The following ZYG11A variants were observed in gnomAD, a reference collection of about 807,000 sequenced individuals.
ZYG11A encodes the protein protein zyg-11 homolog A.
A neutral mutation model predicts 77.2 loss-of-function variants in ZYG11A; 62 were observed. The ratio of observed to expected loss-of-function variants is 0.80; its 90% CI spans 0.65 to 0.99. ZYG11A has a LOEUF of 0.99. Ranked by LOEUF, ZYG11A falls within the 50% of genes least tolerant of loss-of-function variation. ZYG11A has a pLI of 0.00. For synonymous variants in ZYG11A, 315 were observed against 324.6 expected, an observed-to-expected ratio of 0.97 and a Z score of 0.32; for missense variants, 828 against 896.8, an observed-to-expected ratio of 0.92 and a Z score of 0.98.
chr1:52,847,674 T>TC (rs1460988739), intron 1 of ZYG11A, among the ~76,000 whole-genome samples: 4 of 151,260 alleles, frequency 2.6e-5, no homozygotes, highest in African/African-American at 4.8e-5. Flanking sequence ...ACTTTGTTTT[T>TC]TTTTTTTTTT....
chr1:52,874,481 G>A (rs1009430907), intron 8 of ZYG11A, among the ~76,000 whole-genome samples: 1 of 151,964 alleles, frequency 6.6e-6, no homozygotes, highest in Non-Finnish European at 1.5e-5. Flanking sequence ...CGAGCTCCTG[G>A]GCTCAAGCGA....
At chr1:52,850,358 G>T (rs760263165) in intron 1 of ZYG11A, among the ~76,000 whole-genome samples, 29 of 142,936 alleles carry the variant, frequency 2.0e-4, no homozygotes, top group South Asian at 6.7e-4. Flanking sequence ...TCATTCTGTT[G>T]CCCAGGTTGG....
At chr1:52,890,658 G>C (rs1557461877) in intron 13 of ZYG11A, among the ~76,000 whole-genome samples, 1 of 151,822 alleles carries the variant, frequency 6.6e-6, no homozygotes, top group Non-Finnish European at 1.5e-5. Context: ...CCAGGCTGGA[G>C]TGCAGTGGCA....
chr1:52,862,560 C>T (rs1645950141), intron 4 of ZYG11A, among the ~76,000 whole-genome samples: 1 of 152,058 alleles, frequency 6.6e-6, no homozygotes, highest in African/African-American at 2.4e-5. Flanking sequence ...GATCCGCCCG[C>T]ATTGGCCTCC....
chr1:52,863,561 C>T (rs919843812), intron 4 of ZYG11A, among the ~76,000 whole-genome samples: 1 of 152,190 alleles, frequency 6.6e-6, no homozygotes, highest in African/African-American at 2.4e-5. Flanking sequence ...TTCATTGATG[C>T]GTCTTTTATG....
At position 52,867,658 on chromosome 1, in the gene ZYG11A, C is replaced by A. The variant is rs114247860; in HGVS notation, c.1491+20C>A. On this transcript the variant is annotated intron_variant, in intron 7 of 13. Transcript: ENST00000371528. Reference sequence around the variant, plus strand: ...CTGCAGGTTTGTGATTTCTTAAAGGCAAGATGTCTATCTCTCTAGTTTTTA... The same window carrying A: ...CTGCAGGTTTGTGATTTCTTAAAGGAAAGATGTCTATCTCTCTAGTTTTTA... 0.024 allele frequency: 36,721 copies of A among 1,549,336 alleles called. 546 individuals carry two copies. Among genetic ancestry groups the A allele is most frequent in the Middle Eastern group, 0.059 (355 of 5,992 alleles).
chr1:52,863,868 G>T, intron 4 of ZYG11A, 113 bp from the exon 5 acceptor site: 1 of 956,562 alleles, frequency 1.0e-6, no homozygotes. Flanking sequence ...CTTAGGATAG[G>T]GAAAATCTGT....
At chr1:52,870,758 G>A (rs1454876177) in intron 8 of ZYG11A, among the ~76,000 whole-genome samples, 1 of 152,184 alleles carries the variant, frequency 6.6e-6, no homozygotes, top group Non-Finnish European at 1.5e-5. Flanking sequence ...GCACTCGGCA[G>A]GCTGAGGCAG....
rs386366962 is a variant in ZYG11A at position 52,886,699 on chromosome 1, ATTTTTTTTTTTT to A, written c.2007-240_2007-229del. ...AGGCGTGTGCCACCAGGCCCAGCTA[ATTTTTTTTTTTT>A]TTTTTTTTTTTTTTTTGTAGAGACG... On this transcript the variant is annotated intron_variant, in intron 12 of 13. Transcript: ENST00000371528. Among the ~76,000 whole-genome samples, 196 of 69,134 alleles carry A rather than the reference ATTTTTTTTTTTT, an allele frequency of 2.8e-3. 1 individual carries two copies. Among genetic ancestry groups the A allele is most frequent in the Middle Eastern group, 0.032 (2 of 62 alleles). 45.4% of individuals were successfully genotyped at this position (69,134 alleles called of 152,430 possible).
chr1:52,860,206 T>C (rs1388103372), intron 3 of ZYG11A, among the ~76,000 whole-genome samples: 1 of 152,110 alleles, frequency 6.6e-6, no homozygotes, highest in Non-Finnish European at 1.5e-5. Context: ...TTAATAACGT[T>C]GAGTCTCATG....
chr1:52,878,280 T>C (rs2150015360), intron 10 of ZYG11A, among the ~76,000 whole-genome samples: 1 of 152,326 alleles, frequency 6.6e-6, no homozygotes, highest in East Asian at 1.9e-4. Context: ...CTTATGTAGC[T>C]GCAGTCATCT....
At chr1:52,885,622 G>C (rs191819821) in intron 11 of ZYG11A, among the ~76,000 whole-genome samples, 19 of 152,216 alleles carry the variant, frequency 1.2e-4, no homozygotes, top group Non-Finnish European at 2.4e-4. Flanking sequence ...AGGTAAATTC[G>C]TGCTCAGTCC....
Position 52,886,699 on chromosome 1 carries a change from A to ATTTTTT in ZYG11A, c.2007-234_2007-229dup, listed in dbSNP as rs386366962. Reference sequence around the variant, plus strand: ...AGGCGTGTGCCACCAGGCCCAGCTAATTTTTTTTTTTTTTTTTTTTTTTTT... The same window carrying ATTTTTT: ...AGGCGTGTGCCACCAGGCCCAGCTAATTTTTTTTTTTTTTTTTTTTTTTTTTTTTTT... On this transcript the variant is annotated intron_variant, in intron 12 of 13. Transcript: ENST00000371528. Among the ~76,000 whole-genome samples the ATTTTTT allele has an allele frequency of 2.6e-3, 181 of 69,134 alleles. 23 individuals are homozygous for ATTTTTT. The highest frequency in any genetic ancestry group is 4.5e-3 in the African/African-American group (70 of 15,542). The allele number at this position is 69,134 out of a possible 152,430, so 45.4% of individuals were successfully genotyped here. A position where few individuals can be genotyped will look rare whatever the true frequency, so the allele number is the denominator to read the frequency against.
chr1:52,881,443 G>T (rs1298660395), intron 10 of ZYG11A, 28 bp from the exon 11 acceptor site: 4 of 1,481,002 alleles, frequency 2.7e-6, no homozygotes, highest in South Asian at 1.4e-5. Context: ...TCTTGTCTCT[G>T]GGGTTCTCTG....
At chr1:52,847,850 T>G (rs1645624339) in intron 1 of ZYG11A, among the ~76,000 whole-genome samples, 1 of 90,402 alleles carries the variant, frequency 1.1e-5, no homozygotes, top group African/African-American at 3.7e-5. Flanking sequence ...ATTTATTTAT[T>G]TATTTATTTA....
chr1:52,857,415 C>G lies in ZYG11A; in HGVS notation c.674C>G (p.Thr225Ser). ...GTCACTGATATTTCTGCACTGCTTA[C>G]CTGTAAGGATCGATTGAAGTCTCTC... ...TLVTDISALL[T>S]CKDRLKSLTM... Residue 225 changes from threonine (T) to serine (S), a missense_variant, in exon 3 of 14, where the codon ACC (threonine) becomes AGC (serine). Physicochemically the swap from Thr to Ser is moderately conservative, Grantham distance 58. Transcript: ENST00000371528. The G allele has an allele frequency of 6.4e-7, 1 of 1,551,900 alleles. No homozygotes were observed.
chr1:52,891,848 T>TTGTACATTTATTTATAA (rs145295811), intron 13 of ZYG11A, among the ~76,000 whole-genome samples: 6,771 of 151,928 alleles, frequency 0.045, 656 homozygotes, highest in African/African-American at 0.15. Flanking sequence ...TTCCTTTAGT[T>TTGTACATTTATTTATAA]TGTACATTCA....
intron 13 of ZYG11A, among the ~76,000 whole-genome samples, chr1:52,891,572 G>T (rs558253929): frequency 6.6e-6 from 1 of 151,878 alleles, no homozygotes; most frequent in East Asian, 1.9e-4. Context: ...TTACCCACTT[G>T]GGATTGTGGT....
intron 8 of ZYG11A, among the ~76,000 whole-genome samples, chr1:52,872,391 A>G (rs988850769): frequency 1.3e-5 from 2 of 152,116 alleles, no homozygotes; most frequent in African/African-American, 4.8e-5. Flanking sequence ...GGTGTGAGCC[A>G]CCACACCAGG....
Sources: gnomAD v4.1 joint callset for allele counts (sites outside exome capture counted in the v4.1 genomes callset) on GRCh38, gnomAD v4.1.1 for gene constraint, MANE v1.5 for transcripts, NCBI Gene and HGNC (gene_info 2026-07-23, HGNC 2026-07-21) for gene names.